The following RPL32 variants were observed in gnomAD, a reference collection of about 807,000 sequenced individuals.
RPL32 encodes ribosomal protein L32.
For missense variants in RPL32, 117 were observed against 173.7 expected, an observed-to-expected ratio of 0.67 and a Z score of 1.83; for synonymous variants, 61 against 62.6, an observed-to-expected ratio of 0.98 and a Z score of 0.12.
chr3:12,840,668 C>G (rs535413956), intron 1 of RPL32: 64 of 375,750 alleles, frequency 1.7e-4, no homozygotes, highest in African/African-American at 1.3e-3. Flanking sequence ...GCGCTGAATG[C>G]CTGCAGTGCC....
rs554042427 is a variant in RPL32, at chr3:12,839,549, A to G, written c.97-19T>C. On this transcript the variant is annotated intron_variant, in intron 2 of 3. Coordinates refer to ENST00000429711, the MANE Select transcript of RPL32 (RefSeq NM_000994.4). ...AGTTACGCTGAAGGAAATAATACAC[A>G]GGTGGGTTAGCGTCTGTGCAGAGTG... 1.2e-6 allele frequency: 2 copies of G among 1,613,484 alleles called. No individual in the cohort carries two copies. Among genetic ancestry groups the G allele is most frequent in the Non-Finnish European group, 1.7e-6 (2 of 1,179,362 alleles).
At chr3:12,836,661 A>G (rs78301727) in intron 3 of RPL32, among the ~76,000 whole-genome samples, 2,768 of 152,298 alleles carry the variant, frequency 0.018, 76 homozygotes, top group African/African-American at 0.063. Flanking sequence ...AGCCAAGAGC[A>G]CCTGGTTTGA....
rs2062095221 is a variant in RPL32 at position 12,835,858 on chromosome 3, T to G, written c.*236A>C. On this transcript the variant is annotated 3_prime_UTR_variant, in exon 4 of 4. Transcript: ENST00000429711. ...AAGTCTGTACCCCTCATACCCAGCC[T>G]CAACTGGAGATGACTAAGGCTAGTC... is the stretch of plus-strand genomic sequence containing the variant. 1.9e-6 allele frequency: 1 copy of G among 517,376 alleles called. No homozygotes were observed. The allele number at this position is 517,376 out of a possible 1,614,324, so 32.0% of individuals were successfully genotyped here. A position where few individuals can be genotyped will look rare whatever the true frequency, so the allele number is the denominator to read the frequency against.
In RPL32 at chr3:12,839,288, G is replaced by GA. The variant is rs760032467; in HGVS notation, c.278+60dup. Reference sequence around the variant, plus strand: ...CCAAGAGTTTGTAGAGTTCCTGCCAGAAGTGCTCACACAGATGCAAACTTC... The same window carrying GA: ...CCAAGAGTTTGTAGAGTTCCTGCCAGAAAGTGCTCACACAGATGCAAACTTC... On this transcript the variant is annotated intron_variant, in intron 3 of 3. Transcript: ENST00000429711. The GA allele has an allele frequency of 4.3e-5, 64 of 1,495,206 alleles. 1 individual carries two copies. The highest frequency in any genetic ancestry group is 5.9e-5 in the Non-Finnish European group (63 of 1,073,674). 92.6% of individuals were successfully genotyped at this position (1,495,206 alleles called of 1,614,324 possible). A position where few individuals can be genotyped will look rare whatever the true frequency, so the allele number is the denominator to read the frequency against.
intron 3 of RPL32, among the ~76,000 whole-genome samples, chr3:12,836,873 A>C (rs1474959836): frequency 6.6e-6 from 1 of 152,246 alleles, no homozygotes; most frequent in Non-Finnish European, 1.5e-5. Flanking sequence ...GAAGCCACCC[A>C]CAGTGGTTAA....
At chr3:12,839,230 G>A in intron 3 of RPL32, 119 bp downstream of exon 3, 1 of 850,126 alleles carries the variant, frequency 1.2e-6, no homozygotes, top group South Asian at 1.6e-5. Flanking sequence ...GATTCCCTCA[G>A]AGAATGTACA....
Position 12,840,190 on chromosome 3 carries a change from T to C in RPL32, c.48A>G (p.Arg16=), listed in dbSNP as rs1398581731. 1 of 1,614,082 alleles carries C rather than the reference T, an allele frequency of 6.2e-7. No homozygotes were observed. The highest frequency in any genetic ancestry group is 8.5e-7 in the Non-Finnish European group (1 of 1,179,942). The part of the protein sequence containing the change: ...PLVKPKIVKK[R]TKKFIRHQSD... Reference sequence around the variant, plus strand: ...ACTGGTGCCGGATGAACTTCTTGGTTCTCTTTTTGACGATCTTGGGCTTCA... The same window carrying C: ...ACTGGTGCCGGATGAACTTCTTGGTCCTCTTTTTGACGATCTTGGGCTTCA... Residue 16 remains arginine, a synonymous_variant, in exon 2 of 4, where the codon AGA becomes AGG. Transcript: ENST00000429711.
At chr3:12,839,673 CT>C (rs1198147492) in intron 2 of RPL32, 143 bp from the exon 3 acceptor site, 6 of 861,722 alleles carry the variant, frequency 7.0e-6, no homozygotes, top group East Asian at 2.4e-5. Flanking sequence ...TATTTCCTTA[CT>C]TTTTTGGTGG....
chr3:12,840,372 C>T (rs781341937), intron 1 of RPL32, 130 bp from the exon 2 acceptor site: 2 of 781,506 alleles, frequency 2.6e-6, no homozygotes, highest in Non-Finnish European at 4.6e-6. Context: ...GGAATGGGTG[C>T]CTCTGCCAGG....
At chr3:12,836,267 A>G (rs748305045) in intron 3 of RPL32, 44 bp from the exon 4 acceptor site, 4 of 1,598,442 alleles carry the variant, frequency 2.5e-6, no homozygotes, top group Admixed American at 3.3e-5. Flanking sequence ...AGCCCTCAAC[A>G]CACTTGGAAA....
At chr3:12,840,603 A>C (rs1392076617) in intron 1 of RPL32, 1 of 447,292 alleles carries the variant, frequency 2.2e-6, no homozygotes, top group African/African-American at 2.0e-5. Context: ...ACTGGCCTTG[A>C]CCATCTACTT....
At chr3:12,837,503 C>T (rs912477764) in intron 3 of RPL32, among the ~76,000 whole-genome samples, 3 of 152,232 alleles carry the variant, frequency 2.0e-5, no homozygotes, top group African/African-American at 4.8e-5. Context: ...ATCATGTTGG[C>T]CATACAACAG....
intron 3 of RPL32, among the ~76,000 whole-genome samples, chr3:12,836,847 T>TAAGGAGGTGATTTATG (rs1341366198): frequency 6.6e-6 from 1 of 152,148 alleles, no homozygotes; most frequent in African/African-American, 2.4e-5. Context: ...CACACTTCAG[T>TAAGGAGGTGATTTATG]AAGGAGGTGA....
chr3:12,840,010 A>C (rs1559564677), intron 2 of RPL32, 132 bp downstream of exon 2: 2 of 769,548 alleles, frequency 2.6e-6, no homozygotes, highest in South Asian at 3.1e-5. Context: ...ACTGGGGGAG[A>C]CCTGTATTTC....
chr3:12,840,009 G>C (rs1460492645), intron 2 of RPL32, 133 bp downstream of exon 2: 2 of 768,306 alleles, frequency 2.6e-6, no homozygotes, highest in African/African-American at 3.4e-5. Flanking sequence ...CACTGGGGGA[G>C]ACCTGTATTT....
chr3:12,838,899 C>A (rs897003488), intron 3 of RPL32, among the ~76,000 whole-genome samples: 3 of 152,164 alleles, frequency 2.0e-5, no homozygotes, highest in African/African-American at 7.2e-5. Context: ...CCCCGCCCAC[C>A]TTGGACACAT....
rs2062104077 is a variant in RPL32, at chr3:12,836,848, AAGG to A, written c.279-628_279-626del. Among the ~76,000 whole-genome samples, 3 of 152,328 alleles carry A rather than the reference AAGG, an allele frequency of 2.0e-5. No individual in the cohort carries two copies. In the South Asian group the frequency reaches 6.2e-4, roughly 32 times the overall value. On this transcript the variant is annotated intron_variant, in intron 3 of 3. Coordinates refer to ENST00000429711, the MANE Select transcript of RPL32 (RefSeq NM_000994.4). ...ATAGGCCTAACAAGCACACTTCAGT[AAGG>A]AGGTGATTTATGAAGCCACCCACAG...
intron 3 of RPL32, among the ~76,000 whole-genome samples, chr3:12,836,685 A>T (rs2062102770): frequency 6.6e-6 from 1 of 152,248 alleles, no homozygotes; most frequent in African/African-American, 2.4e-5. Flanking sequence ...CTGAGGATAC[A>T]AAGCAAGTTG....
At chr3:12,838,797 A>G (rs2062121768) in intron 3 of RPL32, among the ~76,000 whole-genome samples, 1 of 152,128 alleles carries the variant, frequency 6.6e-6, no homozygotes, top group African/African-American at 2.4e-5. Flanking sequence ...CAAAACCTCG[A>G]AGTGCCGCCT....
Sources: gnomAD v4.1 joint callset for allele counts (sites outside exome capture counted in the v4.1 genomes callset) on GRCh38, gnomAD v4.1.1 for gene constraint, MANE v1.5 for transcripts, NCBI Gene and HGNC (gene_info 2026-07-23, HGNC 2026-07-21) for gene names.